The following ZDHHC24 variants were observed in gnomAD, a reference collection of about 807,000 sequenced individuals.
The protein encoded by ZDHHC24 is zDHHC palmitoyltransferase 24.
In ZDHHC24, 17 loss-of-function variants were observed where a neutral mutation model predicts 23.2. The ratio of observed to expected loss-of-function variants is 0.73; its 90% CI spans 0.50 to 1.10. The LOEUF (loss-of-function observed/expected upper bound fraction) is 1.10, where lower values mean the gene tolerates loss of function less well. Among genes scored for constraint, ZDHHC24 ranks in the 50% least tolerant of loss-of-function variants. The pLI, the probability that ZDHHC24 is intolerant of heterozygous loss-of-function variation, is 0.00. For synonymous variants in ZDHHC24, 186 were observed against 194.5 expected (o/e 0.96, Z 0.36); for missense variants, 366 against 393.0 (o/e 0.93, Z 0.58).
rs760541564 is a variant in ZDHHC24, at chr11:66,543,782, G to T, written c.481C>A (p.Leu161Met). ...GTGTGGGCTCGCAGCAGGGCCGACA[G>T]TGCAGGGCCCAGCAGCACAGAGACG... is the stretch of plus-strand genomic sequence containing the variant. ...LHVSVLLGPALSALLRAHTPL... is the reference protein window; with the variant it reads ...LHVSVLLGPAMSALLRAHTPL... Residue 161 changes from leucine to methionine, a missense_variant, in exon 2 of 3, where the codon CTG becomes ATG. Leu to Met is a conservative substitution (Grantham distance 15, BLOSUM62 2). Coordinates refer to ENST00000310442, the MANE Select transcript of ZDHHC24 (RefSeq NM_207340.3). The T allele has an allele frequency of 1.4e-5, 23 of 1,611,662 alleles. No homozygotes were observed. The highest frequency in any genetic ancestry group is 1.7e-5 in the Admixed American group (1 of 59,410).
intron 4 of ZDHHC24, chr11:66,523,399 GC>G: frequency 6.2e-7 from 1 of 1,613,546 alleles, no homozygotes; most frequent in Non-Finnish European, 8.5e-7. Flanking sequence ...AGGAGGGTCA[GC>G]CATAGAAGTG....
At chr11:66,527,310 C>T (rs1320476405) in intron 3 of ZDHHC24, among the ~76,000 whole-genome samples, 2 of 151,932 alleles carry the variant, frequency 1.3e-5, no homozygotes, top group Non-Finnish European at 2.9e-5. Flanking sequence ...ATTCATCGTT[C>T]GTTCATTCAT....
chr11:66,532,337 A>T (rs1267516380), downstream of ZDHHC24: 1 of 452,314 alleles, frequency 2.2e-6, no homozygotes, highest in Non-Finnish European at 4.1e-6. Flanking sequence ...AGAGCTCCGA[A>T]GCGGTCAAAG....
At chr11:66,522,813 T>A (rs943686897) in intron 4 of ZDHHC24, 9 of 266,282 alleles carry the variant, frequency 3.4e-5, no homozygotes, top group Non-Finnish European at 4.4e-5. Context: ...ACAAATTGGA[T>A]GAGTGCTATG....
At chr11:66,543,602 G>T (rs1857214573) in intron 2 of ZDHHC24, 102 bp downstream of exon 2, 1 of 1,414,280 alleles carries the variant, frequency 7.1e-7, no homozygotes, top group Non-Finnish European at 9.4e-7. Flanking sequence ...CTGGGGCTGG[G>T]TCCCCCAGGC....
downstream of ZDHHC24, chr11:66,531,695 A>C: frequency 6.2e-7 from 1 of 1,613,974 alleles, no homozygotes; most frequent in Non-Finnish European, 8.5e-7. Context: ...CCCCCTGGAG[A>C]CCTTTGTGGA....
At chr11:66,522,972 T>C in intron 4 of ZDHHC24, 1 of 360,936 alleles carries the variant, frequency 2.8e-6, no homozygotes. Context: ...GGGAAAGACA[T>C]TGGCGTGTGC....
chr11:66,523,428 G>T (rs753241093), intron 4 of ZDHHC24: 1 of 1,614,146 alleles, frequency 6.2e-7, no homozygotes, highest in Non-Finnish European at 8.5e-7. Flanking sequence ...TTTCTCTGGG[G>T]CCAGACAGTG....
At chr11:66,527,661 T>G (rs1256602628) in intron 3 of ZDHHC24, 1 of 106,586 alleles carries the variant, frequency 9.4e-6, no homozygotes, top group African/African-American at 3.8e-5. Context: ...AGAGCGAGAC[T>G]CCGTCTCAAA....
At chr11:66,528,615 G>T (rs1332685977) in intron 3 of ZDHHC24, among the ~76,000 whole-genome samples, 1 of 152,126 alleles carries the variant, frequency 6.6e-6, no homozygotes, top group East Asian at 1.9e-4. Context: ...TGAATTGGCA[G>T]GGAGATGTGA....
exon 5 of ZDHHC24, chr11:66,521,255 GCTT>G: frequency 6.2e-7 from 1 of 1,604,928 alleles, no homozygotes; most frequent in African/African-American, 1.3e-5. Flanking sequence ...GAGTGTTTGC[GCTT>G]CTTGTTTGCA....
chr11:66,522,302 G>A (rs564078615), intron 4 of ZDHHC24, among the ~76,000 whole-genome samples: 15 of 150,788 alleles, frequency 9.9e-5, no homozygotes, highest in Admixed American at 4.6e-4. Context: ...CATGACACTT[G>A]TTTATGCATT....
At position 66,538,594 on chromosome 11, in the gene ZDHHC24, T is replaced by C. The variant is rs1471561586; in HGVS notation, c.*935A>G. ...CTGTGTTCTACTGTCTTCCCTCCTG[T>C]TTTCTTTCCCTTTGTATTATTTTTG... On this transcript the variant is annotated 3_prime_UTR_variant, in exon 3 of 3. Transcript: ENST00000310442. 6.6e-6 allele frequency: 1 copy of C among 152,176 alleles called. No homozygotes were observed. The highest frequency in any genetic ancestry group is 2.4e-5 in the African/African-American group (1 of 41,440). The allele number at this position is 152,176 out of a possible 1,614,324, so 9.4% of individuals were successfully genotyped here. A position where few individuals can be genotyped will look rare whatever the true frequency, so the allele number is the denominator to read the frequency against.
exon 5 of ZDHHC24, chr11:66,521,108 G>A: frequency 2.9e-6 from 2 of 687,362 alleles, no homozygotes; most frequent in Non-Finnish European, 5.3e-6. Flanking sequence ...TTTGCTAAAT[G>A]TTGCCCCAAG....
In ZDHHC24 at chr11:66,545,466, C is replaced by T. The variant is rs1294341754; in HGVS notation, c.281+257G>A. Among the ~76,000 whole-genome samples the T allele has an allele frequency of 2.0e-5, 3 of 152,182 alleles. No individual in the cohort carries two copies. Among genetic ancestry groups the T allele is most frequent in the Non-Finnish European group, 2.9e-5 (2 of 68,032 alleles). On this transcript the variant is annotated intron_variant, in intron 1 of 2. Coordinates refer to ENST00000310442, the MANE Select transcript of ZDHHC24 (RefSeq NM_207340.3). This position sits in a 1 kb window ranked among gnomAD's most constrained non-coding sequence, Gnocchi z 4.5. ...ATTCCTCTAGTTTCTCATCTGCACC[C>T]CCCTCAAATCAGGAATTTGTTCTAT...
At position 66,539,818 on chromosome 11, in the gene ZDHHC24, ACT is replaced by A. The variant is rs1565296083; in HGVS notation, c.564_565del (p.Arg188SerfsTer50). 3.1e-6 allele frequency: 5 copies of A among 1,595,928 alleles called. No individual in the cohort carries two copies. Among genetic ancestry groups the A allele is most frequent in the African/African-American group, 1.3e-5 (1 of 74,438 alleles). ...GGCCAAGGCAAACTGTGCCAGAGAC[ACT>A]CTGCCTGCAATAAAAGAGCAGAGAG... On this transcript the variant is annotated frameshift_variant, in exon 3 of 3. Coordinates refer to ENST00000310442, the MANE Select transcript of ZDHHC24 (RefSeq NM_207340.3). LOFTEE classifies it high-confidence loss of function.
chr11:66,543,444 A>G (rs1341708546), intron 2 of ZDHHC24, among the ~76,000 whole-genome samples: 3 of 152,190 alleles, frequency 2.0e-5, no homozygotes, highest in African/African-American at 7.2e-5. Flanking sequence ...CCCGCCATGC[A>G]GAGACTCCCA....
chr11:66,530,751 T>G, downstream of ZDHHC24: 1 of 1,234,890 alleles, frequency 8.1e-7, no homozygotes, highest in Non-Finnish European at 1.2e-6. Flanking sequence ...CTCTGCCCCT[T>G]CTGGTCTTCT....
chr11:66,544,421 T>C (rs1857250533), intron 1 of ZDHHC24, among the ~76,000 whole-genome samples: 1 of 152,218 alleles, frequency 6.6e-6, no homozygotes, highest in African/African-American at 2.4e-5. Context: ...AATTTATTTC[T>C]AGTAAAAAGC....
Sources: allele counts gnomAD v4.1 joint callset (sites outside exome capture counted in the v4.1 genomes callset), GRCh38; gene constraint gnomAD v4.1.1; non-coding constraint Gnocchi (gnomAD v3.1); transcripts MANE v1.5; gene names NCBI Gene and HGNC (gene_info 2026-07-23, HGNC 2026-07-21).